The following CFAP299 variants were observed in gnomAD, a reference collection of about 807,000 sequenced individuals.
CFAP299 encodes the protein cilia and flagella associated protein 299, also known as cilia- and flagella-associated protein 299.
In CFAP299, 21 loss-of-function variants were observed where a neutral mutation model predicts 27.0. The observed-to-expected ratio is 0.78, with a 90% CI of 0.55 to 1.12. The LOEUF (loss-of-function observed/expected upper bound fraction) is 1.12, where lower values mean the gene tolerates loss of function less well. CFAP299 is among the 50% of genes most tolerant of loss of function. The probability of loss-of-function intolerance (pLI) is 0.00; values close to 1 mark genes in which losing one functional copy is unlikely to be tolerated. For missense variants in CFAP299, 310 were observed against 276.6 expected (o/e 1.12, Z -0.86); for synonymous variants, 104 against 98.1 (o/e 1.06, Z -0.36).
chr4:80,589,568 G>A (rs1027373530), intron 3 of CFAP299, among the ~76,000 whole-genome samples: 2 of 151,872 alleles, frequency 1.3e-5, no homozygotes, highest in Non-Finnish European at 2.9e-5. Context: ...AGCTGACAAA[G>A]CATTTGTATC....
rs531672448 is a variant in CFAP299 at position 80,860,130 on chromosome 4, A to G, written c.334-9863A>G. ...CGTTTCTTTTTATTCTTTTTTCTCT[A>G]AACTTCCCTTCTCGCTTCATTTCAT... On this transcript the variant is annotated intron_variant, in intron 3 of 5. Transcript: ENST00000358105. Among the ~76,000 whole-genome samples, 19 of 151,992 alleles carry G rather than the reference A, an allele frequency of 1.3e-4. No individual in the cohort carries two copies. The East Asian group carries it at 3.7e-3, about 29-fold the overall frequency.
chr4:80,555,710 C>T (rs1734747981), intron 2 of CFAP299, among the ~76,000 whole-genome samples: 1 of 151,976 alleles, frequency 6.6e-6, no homozygotes, highest in Non-Finnish European at 1.5e-5. Context: ...TTCATTTCTT[C>T]CTTGTTCAGT....
intron 3 of CFAP299, among the ~76,000 whole-genome samples, chr4:80,629,054 T>A (rs1739068209): frequency 6.6e-6 from 1 of 152,182 alleles, no homozygotes; most frequent in Admixed American, 6.6e-5. Context: ...AAAGCCAAGA[T>A]ATGGAATCAA....
At chr4:80,856,590 A>T (rs1056102956) in intron 3 of CFAP299, among the ~76,000 whole-genome samples, 4 of 151,890 alleles carry the variant, frequency 2.6e-5, no homozygotes, top group Admixed American at 2.0e-4. Flanking sequence ...ATAAGGTGTA[A>T]GGAAGGGATC....
At chr4:80,908,694 C>A (rs914360502) in intron 4 of CFAP299, among the ~76,000 whole-genome samples, 1 of 152,090 alleles carries the variant, frequency 6.6e-6, no homozygotes, top group Non-Finnish European at 1.5e-5. Flanking sequence ...GTGAACCACA[C>A]CTCAGGTAAT....
intron 2 of CFAP299, among the ~76,000 whole-genome samples, chr4:80,474,886 GT>G (rs1730197618): frequency 6.6e-6 from 1 of 152,150 alleles, no homozygotes; most frequent in South Asian, 2.1e-4. Flanking sequence ...AATTCAAAAT[GT>G]AATCTCAAGT....
At chr4:80,446,018 T>C (rs1345094727) in intron 2 of CFAP299, among the ~76,000 whole-genome samples, 1 of 152,192 alleles carries the variant, frequency 6.6e-6, no homozygotes, top group Non-Finnish European at 1.5e-5. Flanking sequence ...CCCTTTGATA[T>C]TTATGCTGCG....
chr4:80,908,214 T>A (rs1735284110), intron 4 of CFAP299, among the ~76,000 whole-genome samples: 1 of 152,294 alleles, frequency 6.6e-6, no homozygotes, highest in South Asian at 2.1e-4. Context: ...TGCACTGTGG[T>A]GTTGGAGTTG....
intron 2 of CFAP299, chr4:80,387,252 G>A: frequency 3.8e-6 from 6 of 1,595,660 alleles, no homozygotes; most frequent in Non-Finnish European, 4.3e-6. Context: ...AAGTGGCCGG[G>A]GTAGCTCAGC....
At chr4:80,399,189 C>T (rs956518756) in intron 2 of CFAP299, among the ~76,000 whole-genome samples, 1 of 152,144 alleles carries the variant, frequency 6.6e-6, no homozygotes, top group Non-Finnish European at 1.5e-5. Flanking sequence ...ATTCGGGAAA[C>T]AACATATGCT....
chr4:80,775,217 T>C (rs1166750517), intron 3 of CFAP299, among the ~76,000 whole-genome samples: 1 of 151,874 alleles, frequency 6.6e-6, no homozygotes, highest in African/African-American at 2.4e-5. Context: ...ATAAATATGC[T>C]TCTAATTAAA....
intron 3 of CFAP299, among the ~76,000 whole-genome samples, chr4:80,657,076 G>C (rs879238864): frequency 6.8e-6 from 1 of 147,100 alleles, no homozygotes; most frequent in Non-Finnish European, 1.5e-5. Flanking sequence ...TAAGTTATTT[G>C]TTTTTTTTTT....
chr4:80,728,443 CTTTT>C (rs1367180475), intron 3 of CFAP299, among the ~76,000 whole-genome samples: 1 of 152,098 alleles, frequency 6.6e-6, no homozygotes, highest in African/African-American at 2.4e-5. Flanking sequence ...GCACAATTTA[CTTTT>C]AATTCTTTTT....
chr4:80,795,767 A>C (rs943164560), intron 3 of CFAP299, among the ~76,000 whole-genome samples: 6 of 152,182 alleles, frequency 3.9e-5, no homozygotes, highest in African/African-American at 1.4e-4. Context: ...TTCAGGTCGC[A>C]TGGTGACTTG....
Position 80,635,316 on chromosome 4 carries a change from A to G in CFAP299, c.333+52133A>G, listed in dbSNP as rs562017749. ...CTTTTCCCATAGAAAGTGTCTCATGAGAGAGAGATACCCCACAGAATACTG... is the reference window on the plus strand; with the variant it reads ...CTTTTCCCATAGAAAGTGTCTCATGGGAGAGAGATACCCCACAGAATACTG... On this transcript the variant is annotated intron_variant, in intron 3 of 5. Coordinates refer to ENST00000358105, the MANE Select transcript of CFAP299 (RefSeq NM_152770.3). 3.3e-5 allele frequency among the ~76,000 whole-genome samples: 5 copies of G among 152,228 alleles called. No homozygotes were observed. The East Asian group carries it at 9.6e-4, about 29-fold the overall frequency.
At chr4:80,486,989 C>T (rs1730852272) in intron 2 of CFAP299, among the ~76,000 whole-genome samples, 1 of 152,318 alleles carries the variant, frequency 6.6e-6, no homozygotes, top group East Asian at 1.9e-4. Context: ...TAGAAGCCAG[C>T]CAGCTTCTCT....
chr4:80,584,977 T>TA (rs1016471659), intron 3 of CFAP299, among the ~76,000 whole-genome samples: 4 of 152,008 alleles, frequency 2.6e-5, no homozygotes, highest in African/African-American at 9.7e-5. Context: ...AGGAAAAACA[T>TA]AAAAATCTCT....
chr4:80,677,464 G>A (rs1193533865), intron 3 of CFAP299, among the ~76,000 whole-genome samples: 1 of 151,992 alleles, frequency 6.6e-6, no homozygotes, highest in Non-Finnish European at 1.5e-5. Flanking sequence ...ATTAATAGGT[G>A]TGAGTGTGTG....
intron 3 of CFAP299, among the ~76,000 whole-genome samples, chr4:80,713,267 A>G (rs1163846241): frequency 6.6e-6 from 1 of 152,174 alleles, no homozygotes; most frequent in African/African-American, 2.4e-5. Flanking sequence ...GTTGGACTCT[A>G]TTAACCCAAT....
Sources: gnomAD v4.1 joint callset for allele counts (sites outside exome capture counted in the v4.1 genomes callset) on GRCh38, gnomAD v4.1.1 for gene constraint, MANE v1.5 for transcripts, NCBI Gene and HGNC (gene_info 2026-07-23, HGNC 2026-07-21) for gene names.